TRPC5: variants seen among roughly 807,000 people sequenced by gnomAD.
The protein encoded by TRPC5 is short transient receptor potential channel 5.
A neutral mutation model predicts 56.5 loss-of-function variants in TRPC5; 9 were observed. The observed-to-expected ratio is 0.16, with a 90% CI of 0.10 to 0.28. The LOEUF (loss-of-function observed/expected upper bound fraction) is 0.28, where lower values mean the gene tolerates loss of function less well. Ranked by LOEUF, TRPC5 falls within the 10% of genes least tolerant of loss-of-function variation. TRPC5 has a pLI of 1.00. For missense variants in TRPC5, 469 were observed against 748.9 expected (o/e 0.63, Z 4.36); for synonymous variants, 282 against 278.5 (o/e 1.01, Z -0.13).
intron 7 of TRPC5, among the ~76,000 whole-genome samples, chrX:111,831,560 T>A (rs1360665682): frequency 1.8e-5 from 2 of 112,128 alleles, no homozygotes; most frequent in East Asian, 5.6e-4. Flanking sequence ...AGTCCATTCA[T>A]CATCTGGGCC....
chrX:112,027,889 T>C (rs953249385), intron 1 of TRPC5, among the ~76,000 whole-genome samples: 1 of 112,164 alleles, frequency 8.9e-6, no homozygotes, highest in Non-Finnish European at 1.9e-5. Flanking sequence ...TATATACTTA[T>C]GATATTTGCA....
intron 3 of TRPC5, among the ~76,000 whole-genome samples, chrX:111,878,314 G>GA (rs907243194): frequency 3.4e-4 from 36 of 104,887 alleles, no homozygotes; most frequent in African/African-American, 8.2e-4. Context: ...AAAAGAAAAA[G>GA]AAAAAAAAAA....
At chrX:111,890,496 A>G (rs957575000) in intron 3 of TRPC5, among the ~76,000 whole-genome samples, 1 of 111,538 alleles carries the variant, frequency 9.0e-6, no homozygotes, top group Non-Finnish European at 1.9e-5. Flanking sequence ...ACCATTTCAT[A>G]TCAGGGACTT....
intron 2 of TRPC5, among the ~76,000 whole-genome samples, chrX:111,938,325 G>C (rs1172760939): frequency 4.1e-5 from 4 of 97,049 alleles, no homozygotes; most frequent in African/African-American, 1.2e-4. Flanking sequence ...TTTCCTAATT[G>C]AATACCCTTT....
intron 2 of TRPC5, among the ~76,000 whole-genome samples, chrX:111,947,286 T>A (rs771245545): frequency 6.2e-4 from 69 of 111,562 alleles, no homozygotes; most frequent in Non-Finnish European, 1.1e-3. Context: ...ATTTACTAGT[T>A]GTGATCTTGG....
intron 1 of TRPC5, among the ~76,000 whole-genome samples, chrX:111,955,775 G>A (rs1927218330): frequency 9.0e-6 from 1 of 111,704 alleles, no homozygotes; most frequent in African/African-American, 3.3e-5. Context: ...GGAGTTTCTG[G>A]TATCTTTTAA....
intron 1 of TRPC5, among the ~76,000 whole-genome samples, chrX:112,044,572 G>A (rs755935520): frequency 1.8e-5 from 2 of 112,152 alleles, no homozygotes; most frequent in South Asian, 7.5e-4. Context: ...GCCCTACTCA[G>A]TGTTGCCAAT....
At chrX:112,044,009 T>C (rs1929963061) in intron 1 of TRPC5, among the ~76,000 whole-genome samples, 1 of 112,011 alleles carries the variant, frequency 8.9e-6, no homozygotes, top group East Asian at 2.8e-4. Context: ...TTTTATTTTC[T>C]TGAAGTTATT....
intron 3 of TRPC5, among the ~76,000 whole-genome samples, chrX:111,883,582 T>C (rs1924333244): frequency 8.9e-6 from 1 of 112,704 alleles, no homozygotes; most frequent in South Asian, 3.7e-4. Context: ...CTAAACATAG[T>C]TAAGAGCCTG....
intron 7 of TRPC5, among the ~76,000 whole-genome samples, chrX:111,792,155 C>T (rs753796187): frequency 8.1e-5 from 9 of 111,632 alleles, no homozygotes; most frequent in Non-Finnish European, 1.1e-4. Context: ...ATGTCCTTTG[C>T]GGGGACATGG....
At chrX:111,962,288 G>A (rs1403196154) in intron 1 of TRPC5, among the ~76,000 whole-genome samples, 2 of 112,240 alleles carry the variant, frequency 1.8e-5, no homozygotes, top group Non-Finnish European at 3.8e-5. Context: ...TACAATGTAT[G>A]ATTTATGATC....
intron 7 of TRPC5, among the ~76,000 whole-genome samples, chrX:111,803,677 G>T (rs1921395644): frequency 8.9e-6 from 1 of 111,978 alleles, no homozygotes; most frequent in Non-Finnish European, 1.9e-5. Flanking sequence ...CATATCCTTT[G>T]CGAACTTTTT....
chrX:111,845,644 A>G (rs1289651913), intron 6 of TRPC5, among the ~76,000 whole-genome samples: 1 of 111,970 alleles, frequency 8.9e-6, no homozygotes, highest in Non-Finnish European at 1.9e-5. Flanking sequence ...GATGGGAACA[A>G]ATGCAGTCTC....
chrX:112,038,116 G>A (rs748065695), intron 1 of TRPC5, among the ~76,000 whole-genome samples: 10 of 111,459 alleles, frequency 9.0e-5, no homozygotes, highest in Non-Finnish European at 1.7e-4. Context: ...ACCAAGAGAT[G>A]ACCAAGGCTG....
chrX:112,009,887 C>T (rs1196152540), intron 1 of TRPC5, among the ~76,000 whole-genome samples: 1 of 111,160 alleles, frequency 9.0e-6, no homozygotes, highest in African/African-American at 3.3e-5. Context: ...AGGAGATATA[C>T]CTAATGTAAA....
intron 2 of TRPC5, among the ~76,000 whole-genome samples, chrX:111,930,344 T>C (rs1166324911): frequency 9.0e-6 from 1 of 111,036 alleles, no homozygotes; most frequent in African/African-American, 3.3e-5. Flanking sequence ...TAAGTAGAGA[T>C]GGTTGATGGG....
chrX:111,944,267 A>AGTATGTGTGTGTGTGTGT lies in TRPC5; in HGVS notation c.378+7775_378+7776insACACACACACACACATAC, dbSNP rs773983065. On this transcript the variant is annotated intron_variant, in intron 2 of 10. Coordinates refer to ENST00000262839, the MANE Select transcript of TRPC5 (RefSeq NM_012471.3). ...GGCCAAGGAGGTGTGGGAGTAGAAG[A>AGTATGTGTGTGTGTGTGT]GTGTGTGTGTGTGTGTGTGTGTGTG... 3.3e-4 allele frequency among the ~76,000 whole-genome samples: 24 copies of AGTATGTGTGTGTGTGTGT among 71,739 alleles called. 1 individual carries two copies. The highest frequency in any genetic ancestry group is 1.2e-3 in the African/African-American group (21 of 17,134). The allele number at this position is 71,739 out of a possible 115,157, so 62.3% of individuals were successfully genotyped here. A position where few individuals can be genotyped will look rare whatever the true frequency, so the allele number is the denominator to read the frequency against.
intron 1 of TRPC5, among the ~76,000 whole-genome samples, chrX:111,992,999 C>A (rs1379395386): frequency 2.5e-4 from 27 of 109,893 alleles, no homozygotes; most frequent in African/African-American, 8.6e-4. Context: ...TTTGCTGTAC[C>A]CATCAACTCA....
Position 111,776,511 on chromosome X carries a change from T to A in TRPC5, c.2724A>T (p.Glu908Asp). Residue 908 changes from glutamate (E) to aspartate (D), a missense_variant, in exon 11 of 11, where the codon GAA (glutamate) becomes GAT (aspartate). Physicochemically the swap from Glu to Asp is conservative, Grantham distance 45 (BLOSUM62 2). This residue lies in a region of TRPC5 where 194 missense variants were observed against 221.8 expected (regional missense o/e 0.87). Transcript: ENST00000262839. ...EINLSEVELG[E>D]VQGAAQSSEC... ...CACTGCTCTGAGCAGCGCCCTGGAC[T>A]TCACCTAATTCTACCTCACTGAGGT... 1 of 1,210,862 alleles carries A rather than the reference T, an allele frequency of 8.3e-7. No homozygotes were observed. Among genetic ancestry groups the A allele is most frequent in the Non-Finnish European group, 1.1e-6 (1 of 895,014 alleles).
Sources: gnomAD v4.1 joint callset for allele counts (sites outside exome capture counted in the v4.1 genomes callset) on GRCh38, gnomAD v4.1.1 for gene constraint, gnomAD v4.1.1 regional missense constraint, MANE v1.5 for transcripts, NCBI Gene and HGNC (gene_info 2026-07-23, HGNC 2026-07-21) for gene names.